The following LPA variants were observed in gnomAD, a reference collection of about 807,000 sequenced individuals.
The protein encoded by LPA is apolipoprotein(a).
LPA carries 199 observed loss-of-function variants against 197.9 expected under a neutral mutation model. The observed-to-expected ratio is 1.01, with a 90% CI of 0.90 to 1.13. The LOEUF (loss-of-function observed/expected upper bound fraction) is 1.13. Among genes scored for constraint, LPA ranks in the 50% most tolerant of loss-of-function variants. The probability of loss-of-function intolerance (pLI) is 0.00; values close to 1 mark genes in which losing one functional copy is unlikely to be tolerated. For missense variants in LPA, 1,853 were observed against 1,785.8 expected (o/e 1.04, Z -0.68); for synonymous variants, 715 against 639.5 (o/e 1.12, Z -1.78).
chr6:160,570,724 G>T (rs1778547609), intron 28 of LPA, among the ~76,000 whole-genome samples: 1 of 152,156 alleles, frequency 6.6e-6, no homozygotes, highest in African/African-American at 2.4e-5. Context: ...GTCTGATGGG[G>T]TTCCCTTTGT....
intron 28 of LPA, among the ~76,000 whole-genome samples, chr6:160,576,374 A>ATGTG (rs1222877121): frequency 6.2e-5 from 2 of 32,386 alleles, no homozygotes; most frequent in Non-Finnish European, 1.0e-4. Flanking sequence ...ATACATATAT[A>ATGTG]TATATATATA....
At chr6:160,606,863 T>TAA (rs200809852) in intron 16 of LPA, among the ~76,000 whole-genome samples, 1 of 151,386 alleles carries the variant, frequency 6.6e-6, no homozygotes, top group African/African-American at 2.4e-5. Context: ...ATTATTATTA[T>TAA]AAAAAAAAAT....
At chr6:160,587,751 TTGTGTGTGTGTGTGTGTGTGTGTGTG>T (rs67979615) in intron 24 of LPA, among the ~76,000 whole-genome samples, 2 of 125,382 alleles carry the variant, frequency 1.6e-5, no homozygotes, top group Non-Finnish European at 1.7e-5. Flanking sequence ...GGTTCAGTCT[TTGTGTGTGTGTGTGTGTGTGTGTGTG>T]TGTGTGTGTG....
intron 28 of LPA, among the ~76,000 whole-genome samples, chr6:160,570,056 C>G (rs568973242): frequency 6.6e-6 from 1 of 152,288 alleles, no homozygotes; most frequent in South Asian, 2.1e-4. Context: ...ACTAGTTCAA[C>G]CATTGTGGAA....
In LPA at chr6:160,545,488, T is replaced by C; in HGVS notation, c.5350A>G (p.Thr1784Ala). ...TCAAAAAGTTTTCTTGGATTCATTG[T>C]GTAGCACCAGGGACCATTGATGTCA... The part of the protein sequence containing the change: ...DGDINGPWCY[T>A]MNPRKLFDYC... Residue 1784 changes from threonine to alanine, a missense_variant, in exon 33 of 39, where the codon ACA becomes GCA. This residue lies in a region of LPA where 1,737 missense variants were observed against 1,504.4 expected (regional missense o/e 1.15). Coordinates refer to ENST00000316300, the MANE Select transcript of LPA (RefSeq NM_005577.4). 6.2e-7 allele frequency: 1 copy of C among 1,613,614 alleles called. No individual in the cohort carries two copies. The highest frequency in any genetic ancestry group is 1.7e-5 in the Admixed American group (1 of 60,004).
rs144378230 is a variant in LPA, at chr6:160,601,945, G to T, written c.2946-847C>A. ...GCAGACTATGAGGTCTGAAGAGGTC[G>T]GGCAGCTATGGAGGACCTCAGGCTG... On this transcript the variant is annotated intron_variant, in intron 18 of 38. Transcript: ENST00000316300. Among the ~76,000 whole-genome samples, 3 of 152,294 alleles carry T rather than the reference G, an allele frequency of 2.0e-5. No individual in the cohort carries two copies. The East Asian group carries it at 5.8e-4, about 29-fold the overall frequency.
At position 160,648,382 on chromosome 6, in the gene LPA, T is replaced by C. The variant is rs181462046; in HGVS notation, c.209+1956A>G. Among the ~76,000 whole-genome samples, 16 of 152,334 alleles carry C rather than the reference T, an allele frequency of 1.1e-4. No individual in the cohort carries two copies. The East Asian group carries it at 3.1e-3, about 29-fold the overall frequency. On this transcript the variant is annotated intron_variant, in intron 2 of 38. Coordinates refer to ENST00000316300, the MANE Select transcript of LPA (RefSeq NM_005577.4). ...TCCATTGAGCTTCTTGAGTCCGTGA[T>C]TTTTTAATCTTCTTTATATTTGGAA... is the stretch of plus-strand genomic sequence containing the variant.
chr6:160,585,463 A>T (rs923157554), intron 25 of LPA, among the ~76,000 whole-genome samples: 2 of 152,180 alleles, frequency 1.3e-5, no homozygotes, highest in Non-Finnish European at 1.5e-5. Context: ...CAGAGTGCCT[A>T]TACTTCAAAA....
intron 28 of LPA, among the ~76,000 whole-genome samples, chr6:160,560,554 T>G (rs2115015018): frequency 6.6e-6 from 1 of 152,274 alleles, no homozygotes; most frequent in African/African-American, 2.4e-5. Flanking sequence ...GATGATGAGC[T>G]TTTTTCATGT....
chr6:160,562,574 T>A (rs548584096), intron 28 of LPA, among the ~76,000 whole-genome samples: 1 of 152,374 alleles, frequency 6.6e-6, no homozygotes, highest in East Asian at 1.9e-4. Context: ...AGAATGATGC[T>A]GGCCTCATAA....
intron 27 of LPA, among the ~76,000 whole-genome samples, 200 bp downstream of exon 27, chr6:160,578,323 G>A (rs965242769): frequency 3.3e-5 from 5 of 151,864 alleles, no homozygotes; most frequent in Admixed American, 6.6e-5. Context: ...TAAAGACACC[G>A]TGCCCTTCCT....
intron 20 of LPA, among the ~76,000 whole-genome samples, chr6:160,598,824 G>A (rs41271006): frequency 6.6e-6 from 1 of 152,170 alleles, no homozygotes; most frequent in East Asian, 1.9e-4. Flanking sequence ...TCAATTCCCT[G>A]TGACCCAAGA....
At chr6:160,596,330 T>G (rs907615214) in intron 20 of LPA, among the ~76,000 whole-genome samples, 3 of 152,106 alleles carry the variant, frequency 2.0e-5, no homozygotes, top group Non-Finnish European at 4.4e-5. Context: ...TCTCTTTTCT[T>G]GTTCACTGAA....
At chr6:160,647,297 T>C (rs1240843382) in intron 2 of LPA, among the ~76,000 whole-genome samples, 1 of 152,140 alleles carries the variant, frequency 6.6e-6, no homozygotes, top group African/African-American at 2.4e-5. Flanking sequence ...GCTGAGGAGT[T>C]TGGGCTGCGG....
chr6:160,648,960 C>A (rs569789678), intron 2 of LPA, among the ~76,000 whole-genome samples: 1 of 152,186 alleles, frequency 6.6e-6, no homozygotes, highest in East Asian at 1.9e-4. Context: ...TATGTGTAGT[C>A]AAGTTTTATA....
At chr6:160,635,614 T>A (rs1779802038) in intron 6 of LPA, among the ~76,000 whole-genome samples, 1 of 125,008 alleles carries the variant, frequency 8.0e-6, no homozygotes, top group Non-Finnish European at 1.7e-5. Context: ...TTCTGCCTCC[T>A]ACCCAATCCA....
At chr6:160,576,682 G>GTATATATATA (rs1173432219) in intron 28 of LPA, among the ~76,000 whole-genome samples, 1 of 94,954 alleles carries the variant, frequency 1.1e-5, no homozygotes, top group African/African-American at 4.2e-5. Context: ...GTGTGTGTGT[G>GTATATATATA]TGTGTGTGTA....
intron 26 of LPA, among the ~76,000 whole-genome samples, chr6:160,584,170 TTTCTTCTTCTTCTTCTTCTTCTTCTTC>T (rs56164694): frequency 0.017 from 1,792 of 103,228 alleles, 35 homozygotes; most frequent in African/African-American, 0.046. Flanking sequence ...TCATTTCTAT[TTTCTTCTTCTTCTTCTTCTTCTTCTTC>T]TTCTTCTTCT....
intron 26 of LPA, among the ~76,000 whole-genome samples, chr6:160,582,726 T>G (rs1365904833): frequency 6.6e-6 from 1 of 152,154 alleles, no homozygotes; most frequent in African/African-American, 2.4e-5. Context: ...CTATGTGAGT[T>G]TATCATTTTT....
Sources: allele counts gnomAD v4.1 joint callset (sites outside exome capture counted in the v4.1 genomes callset), GRCh38; gene constraint gnomAD v4.1.1; regional missense constraint gnomAD v4.1.1; transcripts MANE v1.5; gene names NCBI Gene and HGNC (gene_info 2026-07-23, HGNC 2026-07-21).